Variants in APBB2 observed in about 807,000 individuals in gnomAD.
APBB2 encodes the protein Fe65-like 1.
A neutral mutation model predicts 82.5 loss-of-function variants in APBB2; 38 were observed. The ratio of observed to expected loss-of-function variants is 0.46; its 90% confidence interval spans 0.36 to 0.60. The LOEUF is 0.60. APBB2 is among the 20% of genes least tolerant of loss of function. The pLI is 0.00. For synonymous variants in APBB2, 341 were observed against 368.2 expected, an observed-to-expected ratio of 0.93 and a Z score of 0.85; for missense variants, 772 against 972.3, an observed-to-expected ratio of 0.79 and a Z score of 2.74.
intron 2 of APBB2, among the ~76,000 whole-genome samples, chr4:41,136,328 G>A (rs1293881197): frequency 2.0e-5 from 3 of 152,170 alleles, no homozygotes. Flanking sequence ...CAGAGAGAAA[G>A]AAAAGATTTA....
chr4:41,086,522 A>G (rs1375446406), intron 3 of APBB2, among the ~76,000 whole-genome samples: 1 of 152,076 alleles, frequency 6.6e-6, no homozygotes, highest in Non-Finnish European at 1.5e-5. Context: ...ATGAAAATTG[A>G]TCAATGAAAT....
At chr4:41,100,570 T>A (rs770768985) in intron 3 of APBB2, 69 bp downstream of exon 3, 11 of 152,140 alleles carry the variant, frequency 7.2e-5, no homozygotes, top group Non-Finnish European at 1.3e-4. Flanking sequence ...TAAAAAGCCA[T>A]GGATCTATTG....
At chr4:40,918,016 T>C (rs997741744) in intron 10 of APBB2, among the ~76,000 whole-genome samples, 4 of 152,260 alleles carry the variant, frequency 2.6e-5, no homozygotes, top group East Asian at 3.8e-4. Context: ...ACTTATTCCA[T>C]GACAATGCAA....
chr4:41,102,716 C>T (rs963243397), intron 2 of APBB2, among the ~76,000 whole-genome samples: 4 of 152,164 alleles, frequency 2.6e-5, no homozygotes, highest in Admixed American at 2.6e-4. Context: ...AATCCGTCTG[C>T]CACCACTTCA....
At chr4:41,210,260 C>T (rs1779003386) in intron 1 of APBB2, among the ~76,000 whole-genome samples, 1 of 152,214 alleles carries the variant, frequency 6.6e-6, no homozygotes, top group Non-Finnish European at 1.5e-5. Flanking sequence ...CATCACAGAT[C>T]TCTAGACTGG....
chr4:41,183,533 T>G (rs1175789248), intron 1 of APBB2, among the ~76,000 whole-genome samples: 1 of 151,762 alleles, frequency 6.6e-6, no homozygotes, highest in African/African-American at 2.4e-5. Flanking sequence ...AAGGGAAAAT[T>G]TGGACACAGA....
intron 4 of APBB2, among the ~76,000 whole-genome samples, chr4:41,050,824 G>A (rs1342617802): frequency 6.6e-6 from 1 of 152,148 alleles, no homozygotes; most frequent in Non-Finnish European, 1.5e-5. Context: ...TTTCCACAAA[G>A]GTATCAGCTA....
intron 12 of APBB2, chr4:40,880,627 A>T: frequency 1.0e-6 from 1 of 985,476 alleles, no homozygotes; most frequent in Non-Finnish European, 1.2e-6. Context: ...TATTCAAAGA[A>T]GATCACGGCA....
At chr4:41,104,157 T>G (rs903054395) in intron 2 of APBB2, among the ~76,000 whole-genome samples, 12 of 152,198 alleles carry the variant, frequency 7.9e-5, no homozygotes, top group African/African-American at 2.7e-4. Flanking sequence ...CATTTGGGCA[T>G]GCGGATAAAC....
intron 10 of APBB2, among the ~76,000 whole-genome samples, chr4:40,922,084 C>T (rs556276428): frequency 1.3e-5 from 2 of 152,238 alleles, no homozygotes; most frequent in East Asian, 3.9e-4. Context: ...TTTCATGAAG[C>T]GATCATTAGT....
At chr4:41,071,680 C>CA (rs1314375646) in intron 3 of APBB2, among the ~76,000 whole-genome samples, 39 of 150,550 alleles carry the variant, frequency 2.6e-4, no homozygotes, top group African/African-American at 7.6e-4. Context: ...GACTCTGTCT[C>CA]AAAAAAAACA....
intron 4 of APBB2, among the ~76,000 whole-genome samples, chr4:41,041,083 T>C (rs1721245161): frequency 2.0e-5 from 3 of 152,146 alleles, no homozygotes; most frequent in Non-Finnish European, 1.5e-5. Flanking sequence ...GGTTTCACCG[T>C]GTTAGCCAGG....
chr4:41,103,190 G>A (rs1746044760), intron 2 of APBB2, among the ~76,000 whole-genome samples: 1 of 152,118 alleles, frequency 6.6e-6, no homozygotes. Context: ...ACACTTAAGG[G>A]TCAGCTTCAG....
chr4:40,923,970 G>A (rs780315964), intron 10 of APBB2, among the ~76,000 whole-genome samples: 4 of 152,206 alleles, frequency 2.6e-5, no homozygotes, highest in Non-Finnish European at 2.9e-5. Context: ...TGTCCTCCGG[G>A]ATAGGAGGCA....
At chr4:41,154,153 T>A (rs9993977) in intron 1 of APBB2, among the ~76,000 whole-genome samples, 21,795 of 152,164 alleles carry the variant, frequency 0.14, 1,595 homozygotes, top group East Asian at 0.17. Flanking sequence ...TAAACTCCAA[T>A]TTCTCCCCAG....
intron 12 of APBB2, among the ~76,000 whole-genome samples, chr4:40,846,998 A>C (rs1294342121): frequency 6.6e-6 from 1 of 152,216 alleles, no homozygotes; most frequent in Non-Finnish European, 1.5e-5. Context: ...TGAGAGAAGA[A>C]TACACACACA....
At position 40,823,759 on chromosome 4, in the gene APBB2, C is replaced by A; in HGVS notation, c.1817G>T (p.Gly606Val). ...TATGGCACTGTTCAAAATATCCATT[C>A]CTGGGGACAGAAAAGGATAATTTAA... is the stretch of plus-strand genomic sequence containing the variant. ...LGMLPVDKPV[G>V]MDILNSAIEN... Residue 606 changes from glycine (G) to valine (V), a missense_variant and splice_region_variant, in exon 16 of 18, where the codon GGA (glycine) becomes GTA (valine). Transcript: ENST00000508593. 6.2e-7 allele frequency: 1 copy of A among 1,602,278 alleles called. No individual in the cohort carries two copies. Among genetic ancestry groups the A allele is most frequent in the Non-Finnish European group, 8.5e-7 (1 of 1,170,632 alleles).
At chr4:40,995,124 C>T (rs1393519645) in intron 6 of APBB2, among the ~76,000 whole-genome samples, 1 of 152,126 alleles carries the variant, frequency 6.6e-6, no homozygotes, top group East Asian at 1.9e-4. Context: ...TCCAACACCC[C>T]TTTGGCTGAA....
In APBB2 at chr4:40,903,070, G is replaced by C. The variant is rs9991758; in HGVS notation, c.1255-9659C>G. Among the ~76,000 whole-genome samples, 924 of 152,254 alleles carry C rather than the reference G, an allele frequency of 6.1e-3. 6 individuals carry two copies. The highest frequency in any genetic ancestry group is 0.015 in the African/African-American group (642 of 41,548). ...AGGTGGGAGGATCACTTGAGCTCAG[G>C]AGTTTGAGGCTGCAGTGAGCTAGGA... On this transcript the variant is annotated intron_variant, in intron 10 of 17. Coordinates refer to ENST00000508593, the MANE Select transcript of APBB2 (RefSeq NM_004307.2).
Sources: gnomAD v4.1 joint callset for allele counts (sites outside exome capture counted in the v4.1 genomes callset) on GRCh38, gnomAD v4.1.1 for gene constraint, MANE v1.5 for transcripts, NCBI Gene and HGNC (gene_info 2026-07-23, HGNC 2026-07-21) for gene names.